Variants in FBXL7 observed in about 807,000 individuals in gnomAD.
FBXL7 encodes the protein F-box and leucine rich repeat protein 7, also known as F-box/LRR-repeat protein 7.
In FBXL7, 12 loss-of-function variants were observed where a neutral mutation model predicts 38.3. The observed-to-expected ratio is 0.31, with a 90% CI of 0.20 to 0.51. The LOEUF (loss-of-function observed/expected upper bound fraction) is 0.51. FBXL7 is among the 20% of genes least tolerant of loss of function. FBXL7 has a pLI of 0.98. For missense variants in FBXL7, 567 were observed against 676.4 expected, an observed-to-expected ratio of 0.84 and a Z score of 1.79; for synonymous variants, 297 against 300.9, an observed-to-expected ratio of 0.99 and a Z score of 0.13.
intron 2 of FBXL7, among the ~76,000 whole-genome samples, chr5:15,751,566 G>A (rs945802384): frequency 1.3e-5 from 2 of 152,192 alleles, no homozygotes; most frequent in African/African-American, 4.8e-5. Context: ...TAAGAATAGT[G>A]AATATTAGAG....
chr5:15,926,363 A>G (rs1036607742), intron 2 of FBXL7, among the ~76,000 whole-genome samples: 5 of 148,098 alleles, frequency 3.4e-5, no homozygotes, highest in Admixed American at 2.7e-4. Context: ...TATATAATAT[A>G]TATTATATAA....
chr5:15,688,149 T>C (rs1743074853), intron 2 of FBXL7, among the ~76,000 whole-genome samples: 1 of 152,258 alleles, frequency 6.6e-6, no homozygotes, highest in Non-Finnish European at 1.5e-5. Flanking sequence ...AGGCATTATA[T>C]GATTTCTTTT....
At position 15,928,055 on chromosome 5, in the gene FBXL7, A is replaced by ACCCCCCCCCCCCCCC; in HGVS notation, c.296_297insCCCCCCCCCCCCCCC (p.Pro99_Leu100insProProProProPro). 1 of 738,480 alleles carries ACCCCCCCCCCCCCCC rather than the reference A, an allele frequency of 1.4e-6. No homozygotes were observed. Among genetic ancestry groups the ACCCCCCCCCCCCCCC allele is most frequent in the Non-Finnish European group, 1.9e-6 (1 of 521,820 alleles). 45.7% of individuals were successfully genotyped at this position (738,480 alleles called of 1,614,324 possible). A position where few individuals can be genotyped will look rare whatever the true frequency, so the allele number is the denominator to read the frequency against. On this transcript the variant is annotated inframe_insertion, in exon 3 of 4. Coordinates refer to ENST00000504595, the MANE Select transcript of FBXL7 (RefSeq NM_012304.5). The surrounding 1 kb of genome is among the most constrained non-coding windows in gnomAD (Gnocchi z 4.0). ...TCCCCGCCCCCGACCCGCCTCACAC[A>ACCCCCCCCCCCCCCC]CCCGCTCATCCGGCTCGCCTCCAGA... is the stretch of plus-strand genomic sequence containing the variant.
At chr5:15,507,755 TAAGTC>T (rs764811528) in intron 1 of FBXL7, among the ~76,000 whole-genome samples, 1 of 152,150 alleles carries the variant, frequency 6.6e-6, no homozygotes, top group Non-Finnish European at 1.5e-5. Flanking sequence ...AAAAAAGTCT[TAAGTC>T]AGGTGGGGCA....
intron 1 of FBXL7, among the ~76,000 whole-genome samples, chr5:15,513,768 T>C (rs1167681698): frequency 6.6e-6 from 1 of 152,266 alleles, no homozygotes; most frequent in East Asian, 1.9e-4. Flanking sequence ...AAGATTTATG[T>C]AGCTTCATTT....
chr5:15,868,150 G>T (rs1246379772), intron 2 of FBXL7, among the ~76,000 whole-genome samples: 1 of 151,464 alleles, frequency 6.6e-6, no homozygotes, highest in East Asian at 1.9e-4. Context: ...ATGGGCCAAG[G>T]AATGTGGGTG....
At chr5:15,649,697 C>CTTT (rs34675600) in intron 2 of FBXL7, among the ~76,000 whole-genome samples, 9 of 146,354 alleles carry the variant, frequency 6.1e-5, no homozygotes, top group African/African-American at 2.3e-4. Context: ...TCTTTCTTTT[C>CTTT]TTTTTTTTTT....
At chr5:15,756,821 T>A (rs1736310491) in intron 2 of FBXL7, among the ~76,000 whole-genome samples, 1 of 152,174 alleles carries the variant, frequency 6.6e-6, no homozygotes, top group Admixed American at 6.6e-5. Context: ...AAGCTATTCT[T>A]AAGCATTGTT....
chr5:15,827,511 T>C (rs558639187), intron 2 of FBXL7, among the ~76,000 whole-genome samples: 150 of 152,318 alleles, frequency 9.8e-4, no homozygotes, highest in Non-Finnish European at 1.9e-3. Flanking sequence ...CAAAGTTCTT[T>C]AGTCTGGGAA....
intron 2 of FBXL7, among the ~76,000 whole-genome samples, chr5:15,741,318 T>C (rs571284337): frequency 2.0e-5 from 3 of 152,342 alleles, no homozygotes; most frequent in East Asian, 1.9e-4. Context: ...TTTTACCTTA[T>C]ATGAAACATG....
chr5:15,845,285 G>A (rs962971218), intron 2 of FBXL7, among the ~76,000 whole-genome samples: 3 of 152,156 alleles, frequency 2.0e-5, no homozygotes, highest in African/African-American at 7.2e-5. Context: ...TTTCTAGTTT[G>A]TCTTTCTGCA....
intron 2 of FBXL7, among the ~76,000 whole-genome samples, chr5:15,759,970 G>A (rs1736396232): frequency 6.6e-6 from 1 of 152,060 alleles, no homozygotes; most frequent in South Asian, 2.1e-4. Context: ...TTTACTAGGT[G>A]GAATCAATGA....
chr5:15,795,997 A>G (rs1737407344), intron 2 of FBXL7, among the ~76,000 whole-genome samples: 1 of 152,204 alleles, frequency 6.6e-6, no homozygotes, highest in Non-Finnish European at 1.5e-5. Context: ...TTTGTCCTAT[A>G]TATTTCAGTG....
chr5:15,646,687 C>T (rs1157073795), intron 2 of FBXL7, among the ~76,000 whole-genome samples: 2 of 152,116 alleles, frequency 1.3e-5, no homozygotes, highest in Non-Finnish European at 2.9e-5. Context: ...CCTAAATTCT[C>T]GATGTTAATG....
At chr5:15,753,817 A>G (rs928601058) in intron 2 of FBXL7, among the ~76,000 whole-genome samples, 25 of 152,260 alleles carry the variant, frequency 1.6e-4, no homozygotes, top group African/African-American at 5.5e-4. Context: ...GCATATATTT[A>G]TTTTTTTAAG....
intron 2 of FBXL7, among the ~76,000 whole-genome samples, chr5:15,801,949 G>C (rs557513737): frequency 6.6e-6 from 1 of 152,110 alleles, no homozygotes; most frequent in South Asian, 2.1e-4. Context: ...AGATGTTAGG[G>C]ACTTCAAGTT....
chr5:15,807,380 C>A (rs1355557609), intron 2 of FBXL7, among the ~76,000 whole-genome samples: 1 of 152,114 alleles, frequency 6.6e-6, no homozygotes, highest in African/African-American at 2.4e-5. Flanking sequence ...CTCTTCTGAC[C>A]CATTGTGCCG....
chr5:15,787,507 A>G (rs917377436), intron 2 of FBXL7, among the ~76,000 whole-genome samples: 5 of 152,164 alleles, frequency 3.3e-5, no homozygotes, highest in African/African-American at 9.7e-5. Flanking sequence ...GAGTGAATCT[A>G]GTTCTGAGAA....
At position 15,859,037 on chromosome 5, in the gene FBXL7, T is replaced by C. The variant is rs182391374; in HGVS notation, c.128-68853T>C. On this transcript the variant is annotated intron_variant, in intron 2 of 3. Coordinates refer to ENST00000504595, the MANE Select transcript of FBXL7 (RefSeq NM_012304.5). ...CTTCCTCACATTATTTAAAGTTAGGTTTTCAAATCCAATACTTACGATCAA... is the reference window on the plus strand; with the variant it reads ...CTTCCTCACATTATTTAAAGTTAGGCTTTCAAATCCAATACTTACGATCAA... 3.9e-3 allele frequency among the ~76,000 whole-genome samples: 586 copies of C among 152,108 alleles called. 3 individuals carry two copies. Among genetic ancestry groups the C allele is most frequent in the Middle Eastern group, 0.01 (3 of 294 alleles).
Sources: gnomAD v4.1 joint callset for allele counts (sites outside exome capture counted in the v4.1 genomes callset) on GRCh38, gnomAD v4.1.1 for gene constraint, Gnocchi (gnomAD v3.1) non-coding constraint, MANE v1.5 for transcripts, NCBI Gene and HGNC (gene_info 2026-07-23, HGNC 2026-07-21) for gene names.